Variants in VPS13A observed in about 807,000 individuals in gnomAD.
VPS13A encodes intermembrane lipid transfer protein VPS13A.
A neutral mutation model predicts 390.9 loss-of-function variants in VPS13A; 264 were observed. The ratio of observed to expected loss-of-function variants is 0.68; its 90% CI spans 0.61 to 0.75. The LOEUF is 0.75. Among genes scored for constraint, VPS13A ranks in the 30% least tolerant of loss-of-function variants. VPS13A has a pLI of 0.00. For synonymous variants in VPS13A, 1,231 were observed against 1,227.1 expected, an observed-to-expected ratio of 1.00 and a Z score of -0.07; for missense variants, 3,409 against 3,733.9, an observed-to-expected ratio of 0.91 and a Z score of 2.27.
At chr9:77,340,095 A>C (rs1830733322) in intron 48 of VPS13A, 83 bp from the exon 49 acceptor site, 1 of 1,413,192 alleles carries the variant, frequency 7.1e-7, no homozygotes, top group South Asian at 1.2e-5. Context: ...TATTTTGTTT[A>C]TGCTAAAAAG....
chr9:77,205,467 A>G (rs1356827667), intron 4 of VPS13A, 59 bp downstream of exon 4: 4 of 794,786 alleles, frequency 5.0e-6, no homozygotes, highest in Non-Finnish European at 7.3e-6. Context: ...ATGGAAAAAT[A>G]TTTATATTCA....
intron 71 of VPS13A, among the ~76,000 whole-genome samples, chr9:77,413,932 T>C (rs990685713): frequency 3.9e-5 from 6 of 152,096 alleles, no homozygotes; most frequent in African/African-American, 1.4e-4. Context: ...GGGTGAAGGA[T>C]ATGAACAGAC....
intron 6 of VPS13A, among the ~76,000 whole-genome samples, chr9:77,210,352 C>G (rs117509387): frequency 7.7e-6 from 1 of 130,656 alleles, no homozygotes; most frequent in Non-Finnish European, 1.6e-5. Flanking sequence ...CCACCTCACC[C>G]CCACCCACCC....
chr9:77,246,953 A>G (rs1373270951), intron 19 of VPS13A, among the ~76,000 whole-genome samples: 1 of 152,160 alleles, frequency 6.6e-6, no homozygotes, highest in Admixed American at 6.5e-5. Context: ...TGTTGTGAGT[A>G]AATATTTTAT....
intron 67 of VPS13A, among the ~76,000 whole-genome samples, chr9:77,376,122 T>C (rs186263901): frequency 1.6e-3 from 248 of 152,216 alleles, no homozygotes; most frequent in Non-Finnish European, 2.4e-3. Context: ...GTGAGAAGAA[T>C]GTCCCAGGCA....
In VPS13A at chr9:77,213,713, A is replaced by C. The variant is rs1363235342; in HGVS notation, c.696+399A>C. The stretch of plus-strand genomic sequence containing the variant: ...GACAAGGTCTCACTTTTTGTTGCCC[A>C]AATTTGTCTCAAACTCCTGGCCTCA... On this transcript the variant is annotated intron_variant, in intron 9 of 71. Coordinates refer to ENST00000360280, the MANE Select transcript of VPS13A (RefSeq NM_033305.3). 2.0e-5 allele frequency among the ~76,000 whole-genome samples: 3 copies of C among 151,968 alleles called. No individual in the cohort carries two copies. The East Asian group carries it at 5.8e-4, about 30-fold the overall frequency.
Position 77,321,701 on chromosome 9 carries a change from A to G in VPS13A, c.5785A>G (p.Asn1929Asp), listed in dbSNP as rs1829758696. The G allele has an allele frequency of 1.2e-6, 2 of 1,613,192 alleles. No homozygotes were observed. The highest frequency in any genetic ancestry group is 8.5e-7 in the Non-Finnish European group (1 of 1,179,508). Residue 1929 changes from asparagine to aspartate, a missense_variant, in exon 44 of 72, where the codon AAT (asparagine) becomes GAT (aspartate). This residue lies in a region of VPS13A where 2,717 missense variants were observed against 2,917.4 expected (regional missense o/e 0.93). Transcript: ENST00000360280. ...YIRTKDNDHF[N>D]AMTSLSSKLF... ...CCGAACCAAGGACAATGATCATTTC[A>G]ATGCAATGACCAGCCTAAGCAGCAA...
chr9:77,260,269 C>T lies in VPS13A; in HGVS notation c.2427+45C>T, dbSNP rs752528583. The T allele has an allele frequency of 1.9e-6, 3 of 1,586,832 alleles. No individual in the cohort carries two copies. In the East Asian group the frequency reaches 6.8e-5, roughly 36 times the overall value. On this transcript the variant is annotated intron_variant, in intron 23 of 71. Coordinates refer to ENST00000360280, the MANE Select transcript of VPS13A (RefSeq NM_033305.3). ...TAATATAAGCATGAATTAAGAAAGTCCACAAATAGTATTTCAAACAATCAC... is the reference window on the plus strand; with the variant it reads ...TAATATAAGCATGAATTAAGAAAGTTCACAAATAGTATTTCAAACAATCAC...
intron 68 of VPS13A, among the ~76,000 whole-genome samples, chr9:77,392,853 G>T (rs1355128399): frequency 6.7e-6 from 1 of 150,252 alleles, no homozygotes; most frequent in African/African-American, 2.5e-5. Flanking sequence ...GAAGCCTTCA[G>T]TGAGTCCATC....
At chr9:77,350,606 G>A (rs1401332430) in intron 52 of VPS13A, among the ~76,000 whole-genome samples, 1 of 151,996 alleles carries the variant, frequency 6.6e-6, no homozygotes, top group Non-Finnish European at 1.5e-5. Flanking sequence ...ATTGTTTTTT[G>A]ATATTAAACA....
At chr9:77,335,603 A>G (rs1380263119) in intron 46 of VPS13A, among the ~76,000 whole-genome samples, 1 of 152,232 alleles carries the variant, frequency 6.6e-6, no homozygotes, top group Non-Finnish European at 1.5e-5. Flanking sequence ...TATGAAAAAA[A>G]GCTCATCATT....
chr9:77,355,386 T>C (rs185708166), intron 54 of VPS13A, among the ~76,000 whole-genome samples: 1 of 152,338 alleles, frequency 6.6e-6, no homozygotes, highest in African/African-American at 2.4e-5. Context: ...TTGGTTTTTC[T>C]TCCTATCCAG....
intron 1 of VPS13A, 149 bp downstream of exon 1, chr9:77,177,953 A>G (rs1263656125): frequency 9.1e-6 from 6 of 658,766 alleles, no homozygotes; most frequent in Non-Finnish European, 1.6e-5. Context: ...CAAGTTACGT[A>G]AAGCCGGGCG....
intron 6 of VPS13A, 144 bp from the exon 7 acceptor site, chr9:77,210,472 G>C: frequency 1.4e-6 from 1 of 738,010 alleles, no homozygotes; most frequent in Non-Finnish European, 2.3e-6. Flanking sequence ...CTGGTCTCCA[G>C]AGCTCAAGCA....
chr9:77,194,589 A>G (rs1021220745), intron 1 of VPS13A, among the ~76,000 whole-genome samples: 3 of 152,128 alleles, frequency 2.0e-5, no homozygotes, highest in Non-Finnish European at 4.4e-5. Context: ...CTGTCTTTGC[A>G]ACCTCAAATG....
intron 52 of VPS13A, among the ~76,000 whole-genome samples, chr9:77,348,095 C>A (rs1352765196): frequency 6.6e-6 from 1 of 152,124 alleles, no homozygotes; most frequent in Non-Finnish European, 1.5e-5. Context: ...ACCCAAAATA[C>A]CATTTGACCC....
intron 46 of VPS13A, among the ~76,000 whole-genome samples, chr9:77,333,387 A>G (rs994428428): frequency 6.6e-6 from 1 of 151,434 alleles, no homozygotes; most frequent in East Asian, 1.9e-4. Flanking sequence ...TCTTAAGTAG[A>G]ATTATTAGTG....
At chr9:77,388,206 A>C (rs1414565490) in intron 68 of VPS13A, among the ~76,000 whole-genome samples, 1 of 152,210 alleles carries the variant, frequency 6.6e-6, no homozygotes, top group East Asian at 1.9e-4. Flanking sequence ...TTTGGAATAA[A>C]TGGAGATCAA....
intron 19 of VPS13A, among the ~76,000 whole-genome samples, chr9:77,244,492 G>T (rs563660713): frequency 6.6e-6 from 1 of 152,134 alleles, no homozygotes; most frequent in Non-Finnish European, 1.5e-5. Flanking sequence ...CACTGCCCTC[G>T]TTCTGCTGTG....
Sources: allele counts gnomAD v4.1 joint callset (sites outside exome capture counted in the v4.1 genomes callset), GRCh38; gene constraint gnomAD v4.1.1; regional missense constraint gnomAD v4.1.1; transcripts MANE v1.5; gene names NCBI Gene and HGNC (gene_info 2026-07-23, HGNC 2026-07-21).